The following PRDM16 variants were observed in gnomAD, a reference collection of about 807,000 sequenced individuals.
PRDM16 encodes the protein histone-lysine N-methyltransferase PRDM16.
Under a neutral mutation model 110.6 loss-of-function variants are expected in PRDM16, and 23 were observed. That is an observed-to-expected ratio of 0.21 (90% confidence interval 0.15 to 0.29). The LOEUF is 0.29. Among genes scored for constraint, PRDM16 ranks in the 10% least tolerant of loss-of-function variants. PRDM16 has a pLI of 1.00. For missense variants in PRDM16, 1,615 were observed against 1,794.3 expected (o/e 0.90, Z 1.81); for synonymous variants, 799 against 781.8 (o/e 1.02, Z -0.37).
intron 1 of PRDM16, among the ~76,000 whole-genome samples, chr1:3,164,668 G>T (rs895501246): frequency 1.3e-5 from 2 of 152,204 alleles, no homozygotes; most frequent in Non-Finnish European, 1.5e-5. Context: ...CAGGCGAGGG[G>T]CTAGGAGGCG....
chr1:3,131,986 GATTTAA>G (rs1643344797), intron 1 of PRDM16, among the ~76,000 whole-genome samples: 1 of 152,186 alleles, frequency 6.6e-6, no homozygotes, highest in African/African-American at 2.4e-5. Context: ...AAGGGTTTAG[GATTTAA>G]ATTAGTTTTT....
At chr1:3,270,602 GGA>G (rs1640424649) in intron 3 of PRDM16, among the ~76,000 whole-genome samples, 1 of 149,352 alleles carries the variant, frequency 6.7e-6, no homozygotes, top group Non-Finnish European at 1.5e-5. Flanking sequence ...AGGACAGTCG[GGA>G]GGAGGACAGT....
chr1:3,187,858 G>A (rs928564279), intron 2 of PRDM16, among the ~76,000 whole-genome samples: 1 of 152,212 alleles, frequency 6.6e-6, no homozygotes, highest in East Asian at 1.9e-4. Flanking sequence ...CCCGGTGCCT[G>A]AAGAAACGTG....
chr1:3,219,380 G>A (rs1217900959), intron 2 of PRDM16, among the ~76,000 whole-genome samples: 1 of 152,248 alleles, frequency 6.6e-6, no homozygotes, highest in Admixed American at 6.5e-5. Flanking sequence ...ACTGGCCACA[G>A]CGCTAAATTA....
rs1309284382 is a variant in PRDM16, at chr1:3,081,495, G to T, written c.37+12199G>T. On this transcript the variant is annotated intron_variant, in intron 1 of 16. Coordinates refer to ENST00000270722, the MANE Select transcript of PRDM16 (RefSeq NM_022114.4). The surrounding 1 kb of genome is among the most constrained non-coding windows in gnomAD (Gnocchi z 4.6). The stretch of plus-strand genomic sequence containing the variant: ...GTGTGAGGAGCAGGGCTGAGGTGGG[G>T]AGAACGCCGACTTGCATTTTCTGAC... Among the ~76,000 whole-genome samples, 1 of 152,190 alleles carries T rather than the reference G, an allele frequency of 6.6e-6. No individual in the cohort carries two copies. The highest frequency in any genetic ancestry group is 1.5e-5 in the Non-Finnish European group (1 of 68,040).
chr1:3,347,125 A>G (rs1167292104), intron 3 of PRDM16, among the ~76,000 whole-genome samples: 1 of 152,140 alleles, frequency 6.6e-6, no homozygotes, highest in Non-Finnish European at 1.5e-5. Flanking sequence ...GGAGGGGGTC[A>G]GTGTACAGCC....
chr1:3,121,844 T>C (rs1257465176), intron 1 of PRDM16, among the ~76,000 whole-genome samples: 1 of 152,074 alleles, frequency 6.6e-6, no homozygotes, highest in Non-Finnish European at 1.5e-5. Flanking sequence ...TGTGTGGCCC[T>C]GGCGGGAAGT....
At chr1:3,121,446 A>G (rs146202285) in intron 1 of PRDM16, among the ~76,000 whole-genome samples, 779 of 152,360 alleles carry the variant, frequency 5.1e-3, no homozygotes, top group Middle Eastern at 0.017. Context: ...GCTCCTGATG[A>G]AAACAAAACA....
chr1:3,433,933 C>A lies in PRDM16; in HGVS notation c.*122C>A. On this transcript the variant is annotated 3_prime_UTR_variant, in exon 17 of 17. Transcript: ENST00000270722. ...GCCACTCCTCAGCATCCTCCCCACCCACCATGGTTCATTCCGACTTTTCCA... is the reference window on the plus strand; with the variant it reads ...GCCACTCCTCAGCATCCTCCCCACCAACCATGGTTCATTCCGACTTTTCCA... 2 of 971,520 alleles carry A rather than the reference C, an allele frequency of 2.1e-6. No individual in the cohort carries two copies. The highest frequency in any genetic ancestry group is 1.5e-6 in the Non-Finnish European group (1 of 667,604). 60.2% of individuals were successfully genotyped at this position (971,520 alleles called of 1,614,324 possible).
rs745961678 is a variant in PRDM16, at chr1:3,402,947, G to T, written c.833G>T (p.Gly278Val). 6.2e-7 allele frequency: 1 copy of T among 1,612,568 alleles called. No individual in the cohort carries two copies. Among genetic ancestry groups the T allele is most frequent in the South Asian group, 1.1e-5 (1 of 91,070 alleles). ...CCCGAGGGCCTTGGCGGTGGCAGCGGCCAAGCCCACGAGTGCAAGGACTGC... is the reference window on the plus strand; with the variant it reads ...CCCGAGGGCCTTGGCGGTGGCAGCGTCCAAGCCCACGAGTGCAAGGACTGC... ...LKPEGLGGGS[G>V]QAHECKDCER... The change falls in exon 6 of 17, where the codon GGC becomes GTC. Residue 278 changes from glycine to valine, a missense_variant. Around this residue, in one of 5 missense-constraint regions of PRDM16, gnomAD observed 416 missense variants for 467.1 expected, o/e 0.89. Coordinates refer to ENST00000270722, the MANE Select transcript of PRDM16 (RefSeq NM_022114.4).
intron 3 of PRDM16, among the ~76,000 whole-genome samples, chr1:3,316,487 T>C (rs1455330910): frequency 6.6e-6 from 1 of 152,168 alleles, no homozygotes; most frequent in Non-Finnish European, 1.5e-5. Flanking sequence ...AGGGAGGACC[T>C]GGGAAGAGAA....
intron 1 of PRDM16, among the ~76,000 whole-genome samples, chr1:3,095,309 G>A (rs183619123): frequency 5.1e-4 from 75 of 146,956 alleles, no homozygotes; most frequent in Admixed American, 1.1e-3. Flanking sequence ...AGAGGGCTGC[G>A]GAGAAAGTGG....
chr1:3,272,177 C>T (rs1569967949), intron 3 of PRDM16, among the ~76,000 whole-genome samples: 2 of 152,210 alleles, frequency 1.3e-5, no homozygotes, highest in African/African-American at 4.8e-5. Context: ...TGGCAAGGCC[C>T]AGGGGCTCTC....
At chr1:3,142,848 T>A (rs1335520788) in intron 1 of PRDM16, among the ~76,000 whole-genome samples, 1 of 152,164 alleles carries the variant, frequency 6.6e-6, no homozygotes, top group African/African-American at 2.4e-5. Context: ...GCTGGGGCCC[T>A]GGTGTTACAG....
intron 1 of PRDM16, among the ~76,000 whole-genome samples, chr1:3,142,598 G>T (rs1391480101): frequency 6.6e-6 from 1 of 152,182 alleles, no homozygotes; most frequent in Non-Finnish European, 1.5e-5. Context: ...GAGGCTTCAG[G>T]GAAGACAGGC....
In PRDM16 at chr1:3,425,071, CT is replaced by C. The variant is rs1557669276; in HGVS notation, c.2940-508del. 6.7e-6 allele frequency: 1 copy of C among 148,922 alleles called. No individual in the cohort carries two copies. The highest frequency in any genetic ancestry group is 2.6e-5 in the African/African-American group (1 of 38,782). 9.2% of individuals were successfully genotyped at this position (148,922 alleles called of 1,614,324 possible). Reference sequence around the variant, plus strand: ...AGAACAGTAGGAGGGTGAACGCCTGCTTGCTTTTTTTTTTTTTTTTTTTTGA... The same window carrying C: ...AGAACAGTAGGAGGGTGAACGCCTGCTGCTTTTTTTTTTTTTTTTTTTTGA... On this transcript the variant is annotated intron_variant, in intron 12 of 16. Coordinates refer to ENST00000270722, the MANE Select transcript of PRDM16 (RefSeq NM_022114.4). The surrounding 1 kb of genome is among the most constrained non-coding windows in gnomAD (Gnocchi z 6.9).
intron 1 of PRDM16, among the ~76,000 whole-genome samples, chr1:3,114,449 GCACACA>G (rs1216342717): frequency 7.9e-6 from 1 of 126,036 alleles, no homozygotes. Flanking sequence ...AGACGCACAC[GCACACA>G]CACGCACACA....
At chr1:3,194,972 G>A (rs1051491024) in intron 2 of PRDM16, among the ~76,000 whole-genome samples, 20 of 152,316 alleles carry the variant, frequency 1.3e-4, no homozygotes, top group Non-Finnish European at 2.4e-4. Flanking sequence ...GCTTTGCCGC[G>A]CTTCCCCACT....
rs1222358239 is a variant in PRDM16, at chr1:3,243,710, G to A, written c.388-377G>A. ...AAATAGAGTCTGTTCACCATCCAGGGTGTCCATGCGCTCCTCCCAGATGGT... is the reference window on the plus strand; with the variant it reads ...AAATAGAGTCTGTTCACCATCCAGGATGTCCATGCGCTCCTCCCAGATGGT... On this transcript the variant is annotated intron_variant, in intron 2 of 16. Coordinates refer to ENST00000270722, the MANE Select transcript of PRDM16 (RefSeq NM_022114.4). The surrounding 1 kb of genome is among the most constrained non-coding windows in gnomAD (Gnocchi z 5.5). Among the ~76,000 whole-genome samples, 2 of 152,230 alleles carry A rather than the reference G, an allele frequency of 1.3e-5. No individual in the cohort carries two copies. The highest frequency in any genetic ancestry group is 2.9e-5 in the Non-Finnish European group (2 of 68,042).
Sources: gnomAD v4.1 joint callset for allele counts (sites outside exome capture counted in the v4.1 genomes callset) on GRCh38, gnomAD v4.1.1 for gene constraint, gnomAD v4.1.1 regional missense constraint, Gnocchi (gnomAD v3.1) non-coding constraint, MANE v1.5 for transcripts, NCBI Gene and HGNC (gene_info 2026-07-23, HGNC 2026-07-21) for gene names.